BTNL9: variants seen among roughly 807,000 people sequenced by gnomAD.
BTNL9 encodes butyrophilin like 9, also known as butyrophilin-like protein 9.
Under a neutral mutation model 45.8 loss-of-function variants are expected in BTNL9, and 45 were observed. That is an observed-to-expected ratio of 0.98 (90% CI 0.77 to 1.26). The LOEUF (loss-of-function observed/expected upper bound fraction) is 1.26. Ranked by LOEUF, BTNL9 falls within the 50% of genes most tolerant of loss-of-function variation. The probability of loss-of-function intolerance (pLI) is 0.00; values close to 1 mark genes in which losing one functional copy is unlikely to be tolerated. For synonymous variants in BTNL9, 346 were observed against 330.8 expected (o/e 1.05, Z -0.50); for missense variants, 784 against 729.7 (o/e 1.07, Z -0.86).
intron 3 of BTNL9, among the ~76,000 whole-genome samples, chr5:181,049,463 G>A (rs78227922): frequency 0.013 from 2,026 of 152,252 alleles, 50 homozygotes; most frequent in African/African-American, 0.046. Context: ...TGCAAGGTTC[G>A]ATAACATACA....
Position 181,048,132 on chromosome 5 carries a change from G to C in BTNL9, c.315G>C (p.Lys105Asn), listed in dbSNP as rs754873392. The stretch of plus-strand genomic sequence containing the variant: ...TGCCGGCGTTCCGGAACAGGACCAA[G>C]TTGGTCAAGGACGACATCGCCTATG... Reference protein sequence around the residue: ...RQMPAFRNRTKLVKDDIAYGS... With the variant: ...RQMPAFRNRTNLVKDDIAYGS... Residue 105 changes from lysine (K) to asparagine (N), a missense_variant, in exon 3 of 11, where the codon AAG becomes AAC. By Grantham distance (94) the Lys-to-Asn change is moderately conservative. Coordinates refer to ENST00000327705, the MANE Select transcript of BTNL9 (RefSeq NM_152547.5). The C allele has an allele frequency of 6.2e-7, 1 of 1,613,670 alleles. No individual in the cohort carries two copies. Among genetic ancestry groups the C allele is most frequent in the South Asian group, 1.1e-5 (1 of 91,084 alleles).
At chr5:181,041,927 T>A (rs1760792352) in intron 1 of BTNL9, among the ~76,000 whole-genome samples, 1 of 152,204 alleles carries the variant, frequency 6.6e-6, no homozygotes, top group Non-Finnish European at 1.5e-5. Context: ...TGCTTTAAAA[T>A]TCTTTATTTA....
chr5:181,054,929 C>G, intron 7 of BTNL9: 1 of 985,486 alleles, frequency 1.0e-6, no homozygotes, highest in Non-Finnish European at 1.2e-6. Flanking sequence ...TTTGAAAGAG[C>G]TTGACATTGG....
Position 181,059,824 on chromosome 5 carries a change from C to G in BTNL9, c.1570C>G (p.Pro524Ala). Residue 524 changes from proline to alanine, a missense_variant, in exon 11 of 11, where the codon CCC becomes GCC. Coordinates refer to ENST00000327705, the MANE Select transcript of BTNL9 (RefSeq NM_152547.5). ...EENDSDTWLQPYEPADPALDW... is the reference protein window; with the variant it reads ...EENDSDTWLQAYEPADPALDW... ...GAACGACAGTGACACCTGGCTACAGCCCTATGAGCCCGCGGACCCCGCCCT... is the reference window on the plus strand; with the variant it reads ...GAACGACAGTGACACCTGGCTACAGGCCTATGAGCCCGCGGACCCCGCCCT... 6.3e-7 allele frequency: 1 copy of G among 1,593,000 alleles called. No individual in the cohort carries two copies. Among genetic ancestry groups the G allele is most frequent in the Non-Finnish European group, 8.5e-7 (1 of 1,175,282 alleles).
chr5:181,047,488 C>G, intron 2 of BTNL9: 1 of 991,452 alleles, frequency 1.0e-6, no homozygotes, highest in Non-Finnish European at 1.2e-6. Context: ...GAAATTATCA[C>G]CATCAGCAAT....
chr5:181,059,254 C>G lies in BTNL9; in HGVS notation c.1000C>G (p.Pro334Ala). 3 of 1,562,400 alleles carry G rather than the reference C, an allele frequency of 1.9e-6. No individual in the cohort carries two copies. Among genetic ancestry groups the G allele is most frequent in the Non-Finnish European group, 2.6e-6 (3 of 1,163,608 alleles). Reference protein sequence around the residue: ...QKYAVDVTLDPASAHPSLEVS... With the variant: ...QKYAVDVTLDAASAHPSLEVS... ...CTGCGCAGTGGATGTGACGCTGGAC[C>G]CGGCCTCGGCGCACCCCAGCCTGGA... The change falls in exon 11 of 11, where the codon CCG (proline) becomes GCG (alanine). Residue 334 changes from proline to alanine, a missense_variant. Pro to Ala is a conservative substitution (Grantham distance 27, BLOSUM62 -1). Transcript: ENST00000327705.
Position 181,061,326 on chromosome 5 carries a change from C to G in BTNL9, c.*1464C>G, listed in dbSNP as rs1762127577. 1 of 152,146 alleles carries G rather than the reference C, an allele frequency of 6.6e-6. No homozygotes were observed. The highest frequency in any genetic ancestry group is 1.5e-5 in the Non-Finnish European group (1 of 68,030). 9.4% of individuals were successfully genotyped at this position (152,146 alleles called of 1,614,324 possible). A position where few individuals can be genotyped will look rare whatever the true frequency, so the allele number is the denominator to read the frequency against. ...GATGTTCATTGTACTATCAATGTGG[C>G]TTTGCTGTGGGTTTGAAATTTTGCA... On this transcript the variant is annotated 3_prime_UTR_variant, in exon 11 of 11. Coordinates refer to ENST00000327705, the MANE Select transcript of BTNL9 (RefSeq NM_152547.5).
rs77970637 is a variant in BTNL9 at position 181,056,044 on chromosome 5, C to T, written c.955+29C>T. 4,045 of 1,613,256 alleles carry T rather than the reference C, an allele frequency of 2.5e-3. 95 individuals are homozygous for T. The African/African-American group carries it at 0.047, about 19-fold the overall frequency. On this transcript the variant is annotated intron_variant, in intron 9 of 10. Coordinates refer to ENST00000327705, the MANE Select transcript of BTNL9 (RefSeq NM_152547.5). ...AGTGGAACCCATCTCTCTCTGACTC[C>T]TCCTCATTTATATCTGAGCACCCCA... is the stretch of plus-strand genomic sequence containing the variant.
chr5:181,050,371 T>C lies in BTNL9; in HGVS notation c.736+2T>C, dbSNP rs1376949967. On this transcript the variant is annotated splice_donor_variant, in intron 4 of 10. Transcript: ENST00000327705. LOFTEE classifies it high-confidence loss of function. The surrounding 1 kb of genome is among the most constrained non-coding windows in gnomAD (Gnocchi z 4.9). Reference sequence around the variant, plus strand: ...AAGAGTTGGTGGTCCAGATAGCAGGTCAGTGGCTGTTAGCTCACACCCATC... The same window carrying C: ...AAGAGTTGGTGGTCCAGATAGCAGGCCAGTGGCTGTTAGCTCACACCCATC... 6.2e-7 allele frequency: 1 copy of C among 1,613,654 alleles called. No individual in the cohort carries two copies. The highest frequency in any genetic ancestry group is 8.5e-7 in the Non-Finnish European group (1 of 1,179,806).
chr5:181,047,164 C>A (rs1761227200), intron 2 of BTNL9, among the ~76,000 whole-genome samples: 1 of 152,114 alleles, frequency 6.6e-6, no homozygotes. Context: ...TGTGGGGTGG[C>A]AGGGAACCGT....
intron 7 of BTNL9, 137 bp downstream of exon 7, chr5:181,054,396 C>A: frequency 6.6e-7 from 1 of 1,512,066 alleles, no homozygotes; most frequent in African/African-American, 1.4e-5. Context: ...CCACCTCTTC[C>A]CTTGCTAAGG....
Position 181,048,054 on chromosome 5 carries a change from C to T in BTNL9, c.237C>T (p.Thr79=). ...QMEIRWFRSQ[T]FNVVHLYQEQ... The stretch of plus-strand genomic sequence containing the variant: ...AGATCCGCTGGTTCCGGAGTCAGAC[C>T]TTCAATGTGGTACACCTGTACCAGG... Residue 79 remains threonine (T), a synonymous_variant, in exon 3 of 11, where the codon ACC becomes ACT. Coordinates refer to ENST00000327705, the MANE Select transcript of BTNL9 (RefSeq NM_152547.5). 1 of 1,613,718 alleles carries T rather than the reference C, an allele frequency of 6.2e-7. No homozygotes were observed. The highest frequency in any genetic ancestry group is 8.5e-7 in the Non-Finnish European group (1 of 1,179,996).
intron 1 of BTNL9, among the ~76,000 whole-genome samples, chr5:181,043,674 T>C (rs999188355): frequency 3.3e-5 from 5 of 152,160 alleles, no homozygotes; most frequent in African/African-American, 1.2e-4. Context: ...CCCCTCCTGG[T>C]TTTGCTGTCA....
intron 1 of BTNL9, among the ~76,000 whole-genome samples, chr5:181,041,237 G>C (rs1360717455): frequency 6.6e-6 from 1 of 152,228 alleles, no homozygotes; most frequent in Non-Finnish European, 1.5e-5. Flanking sequence ...CTGCATAGCA[G>C]GCGAGGGACT....
At chr5:181,041,792 G>T (rs944949800) in intron 1 of BTNL9, among the ~76,000 whole-genome samples, 15 of 152,150 alleles carry the variant, frequency 9.9e-5, no homozygotes, top group African/African-American at 3.6e-4. Context: ...TTTTTAAAAA[G>T]ACTTAGTTTG....
In BTNL9 at chr5:181,050,194, A is replaced by G; in HGVS notation, c.561A>G (p.Arg187=). The change falls in exon 4 of 11, where the codon AGA becomes AGG. Residue 187 remains arginine (R), a synonymous_variant. Transcript: ENST00000327705. The surrounding 1 kb of genome is among the most constrained non-coding windows in gnomAD (Gnocchi z 4.9). The part of the protein sequence containing the change: ...GWYPKPKVQW[R]DHQGQCLPPE... ...ACCCCAAGCCTAAGGTTCAGTGGAG[A>G]GACCACCAGGGACAGTGCCTGCCTC... 6.2e-7 allele frequency: 1 copy of G among 1,614,044 alleles called. No homozygotes were observed. Among genetic ancestry groups the G allele is most frequent in the South Asian group, 1.1e-5 (1 of 91,074 alleles).
rs1256781880 is a variant in BTNL9, at chr5:181,059,264, C to A, written c.1010C>A (p.Ala337Glu). 1 of 1,567,190 alleles carries A rather than the reference C, an allele frequency of 6.4e-7. No homozygotes were observed. Among genetic ancestry groups the A allele is most frequent in the Non-Finnish European group, 8.6e-7 (1 of 1,165,638 alleles). ...GATGTGACGCTGGACCCGGCCTCGG[C>A]GCACCCCAGCCTGGAGGTGTCGGAG... Reference protein sequence around the residue: ...AVDVTLDPASAHPSLEVSEDG... With the variant: ...AVDVTLDPASEHPSLEVSEDG... The change falls in exon 11 of 11, where the codon GCG (alanine) becomes GAG (glutamate). Residue 337 changes from alanine (A) to glutamate (E), a missense_variant. Physicochemically the swap from Ala to Glu is moderately radical, Grantham distance 107. Transcript: ENST00000327705.
Position 181,042,549 on chromosome 5 carries a change from G to C in BTNL9, c.-24+2117G>C, listed in dbSNP as rs1327046054. Among the ~76,000 whole-genome samples, 1 of 152,168 alleles carries C rather than the reference G, an allele frequency of 6.6e-6. No individual in the cohort carries two copies. The highest frequency in any genetic ancestry group is 2.4e-5 in the African/African-American group (1 of 41,436). Reference sequence around the variant, plus strand: ...CACAGCAGCAAACGGGGAGGAGGGTGCTGTCCAGGAGCCGCTGACTTTTCC... The same window carrying C: ...CACAGCAGCAAACGGGGAGGAGGGTCCTGTCCAGGAGCCGCTGACTTTTCC... On this transcript the variant is annotated intron_variant, in intron 1 of 10. Coordinates refer to ENST00000327705, the MANE Select transcript of BTNL9 (RefSeq NM_152547.5). The surrounding 1 kb of genome is among the most constrained non-coding windows in gnomAD (Gnocchi z 4.5).
In BTNL9 at chr5:181,050,094, G is replaced by GC. The variant is rs747483835; in HGVS notation, c.462dup (p.Ser155LeufsTer8). ...CTCCTCCTGCCTCCACCAGGGCTGG[G>GC]CTCAGACCCTCACCTCTCCCTTGAG... On this transcript the variant is annotated frameshift_variant, in exon 4 of 11. Transcript: ENST00000327705. LOFTEE classifies it high-confidence loss of function. The surrounding 1 kb of genome is among the most constrained non-coding windows in gnomAD (Gnocchi z 4.9). 1.7e-5 allele frequency: 27 copies of GC among 1,613,310 alleles called. No homozygotes were observed. In the South Asian group the frequency reaches 3.0e-4, roughly 18 times the overall value.
Sources: allele counts gnomAD v4.1 joint callset (sites outside exome capture counted in the v4.1 genomes callset), GRCh38; gene constraint gnomAD v4.1.1; non-coding constraint Gnocchi (gnomAD v3.1); transcripts MANE v1.5; gene names NCBI Gene and HGNC (gene_info 2026-07-23, HGNC 2026-07-21).